CAMK2D: variants seen among roughly 807,000 people sequenced by gnomAD.
The protein encoded by CAMK2D is calcium/calmodulin dependent protein kinase II delta.
Under a neutral mutation model 84.0 loss-of-function variants are expected in CAMK2D, and 37 were observed. That is an observed-to-expected ratio of 0.44 (90% CI 0.34 to 0.58). The LOEUF (loss-of-function observed/expected upper bound fraction) is 0.58, where lower values mean the gene tolerates loss of function less well. Ranked by LOEUF, CAMK2D falls within the 20% of genes least tolerant of loss-of-function variation. The pLI, the probability that CAMK2D is intolerant of heterozygous loss-of-function variation, is 0.02. For missense variants in CAMK2D, 448 were observed against 652.5 expected (o/e 0.69, Z 3.41); for synonymous variants, 202 against 212.5 (o/e 0.95, Z 0.43).
At chr4:113,639,969 G>A (rs1483556580) in intron 3 of CAMK2D, among the ~76,000 whole-genome samples, 1 of 152,084 alleles carries the variant, frequency 6.6e-6, no homozygotes, top group African/African-American at 2.4e-5. Flanking sequence ...AAGCATGTGG[G>A]TTAGGGGGAG....
At chr4:113,656,468 G>T (rs1328494464) in intron 3 of CAMK2D, among the ~76,000 whole-genome samples, 1 of 152,136 alleles carries the variant, frequency 6.6e-6, no homozygotes, top group Admixed American at 6.5e-5. Flanking sequence ...ATCACTGATT[G>T]TGCTCATGTA....
At chr4:113,565,527 G>A (rs1031905207) in intron 4 of CAMK2D, among the ~76,000 whole-genome samples, 3 of 151,578 alleles carry the variant, frequency 2.0e-5, no homozygotes, top group Non-Finnish European at 2.9e-5. Flanking sequence ...GGTGCATGCC[G>A]GTAATCCCAG....
chr4:113,709,368 T>A (rs1175039617), intron 2 of CAMK2D, among the ~76,000 whole-genome samples: 1 of 152,048 alleles, frequency 6.6e-6, no homozygotes, highest in Non-Finnish European at 1.5e-5. Context: ...CACTGAATTA[T>A]ATCAGGACCA....
intron 3 of CAMK2D, among the ~76,000 whole-genome samples, chr4:113,633,959 A>C (rs1026691351): frequency 6.6e-5 from 10 of 152,256 alleles, no homozygotes; most frequent in African/African-American, 2.4e-4. Flanking sequence ...TGGAAAAAGC[A>C]GCATTATTGT....
At chr4:113,463,947 T>C (rs1300891601) in intron 17 of CAMK2D, among the ~76,000 whole-genome samples, 1 of 152,234 alleles carries the variant, frequency 6.6e-6, no homozygotes, top group Non-Finnish European at 1.5e-5. Flanking sequence ...TGTTAAATTC[T>C]TATAAGTAGA....
At chr4:113,744,677 C>T (rs568569763) in intron 2 of CAMK2D, among the ~76,000 whole-genome samples, 7 of 152,188 alleles carry the variant, frequency 4.6e-5, no homozygotes, top group African/African-American at 9.6e-5. Flanking sequence ...TTATCATAGC[C>T]GCAAAATTGA....
chr4:113,536,698 A>G (rs2098494043), intron 7 of CAMK2D, among the ~76,000 whole-genome samples: 1 of 152,196 alleles, frequency 6.6e-6, no homozygotes, highest in African/African-American at 2.4e-5. Context: ...ATATTGAAAC[A>G]AAACATAAGT....
intron 2 of CAMK2D, among the ~76,000 whole-genome samples, chr4:113,699,859 C>A (rs2099412870): frequency 6.6e-6 from 1 of 152,084 alleles, no homozygotes; most frequent in African/African-American, 2.4e-5. Flanking sequence ...GACAGTCATT[C>A]TTTTAGAAAA....
intron 2 of CAMK2D, among the ~76,000 whole-genome samples, chr4:113,731,057 T>C (rs1000202855): frequency 6.6e-6 from 1 of 152,208 alleles, no homozygotes; most frequent in Non-Finnish European, 1.5e-5. Context: ...TATTTGTCAT[T>C]CATTTCAATA....
rs767474594 is a variant in CAMK2D, at chr4:113,547,679, A to C, written c.379T>G (p.Cys127Gly). 2 of 1,569,554 alleles carry C rather than the reference A, an allele frequency of 1.3e-6. No individual in the cohort carries two copies. The highest frequency in any genetic ancestry group is 4.6e-5 in the East Asian group (2 of 43,640). ...CGATGGACCACGCCCATCTGATGGC[A>C]GTGTAGCACAGCCTCCAGGATCTGC... ...IQQILEAVLH[C>G]HQMGVVHRDL... The change falls in exon 6 of 21, where the codon TGC becomes GGC. Residue 127 changes from cysteine (C) to glycine (G), a missense_variant. Physicochemically the swap from Cys to Gly is radical, Grantham distance 159 (BLOSUM62 -3). Coordinates refer to ENST00000511664, the MANE Select transcript of CAMK2D (RefSeq NM_001321571.2).
chr4:113,462,266 ATGTGTGTGTGTGTG>A (rs143654780), intron 17 of CAMK2D, among the ~76,000 whole-genome samples: 1,514 of 109,838 alleles, frequency 0.014, 10 homozygotes, highest in Middle Eastern at 0.026. Flanking sequence ...ATATTTGGAA[ATGTGTGTGTGTGTG>A]TGTGTGTGTG....
At chr4:113,632,042 C>A (rs1421588064) in intron 3 of CAMK2D, among the ~76,000 whole-genome samples, 2 of 152,110 alleles carry the variant, frequency 1.3e-5, no homozygotes. Context: ...GATCCTCCCT[C>A]AGGAGCTTTG....
intron 2 of CAMK2D, among the ~76,000 whole-genome samples, chr4:113,724,390 G>A (rs979369139): frequency 6.6e-6 from 1 of 151,566 alleles, no homozygotes; most frequent in African/African-American, 2.4e-5. Context: ...ATACATAAAT[G>A]TATACAATAT....
intron 16 of CAMK2D, among the ~76,000 whole-genome samples, chr4:113,499,084 T>C (rs569819973): frequency 6.6e-6 from 1 of 152,314 alleles, no homozygotes; most frequent in Non-Finnish European, 1.5e-5. Flanking sequence ...CTTAAAGAGC[T>C]AATGAATCCA....
chr4:113,656,198 T>C (rs2099199373), intron 3 of CAMK2D, among the ~76,000 whole-genome samples: 1 of 152,120 alleles, frequency 6.6e-6, no homozygotes, highest in South Asian at 2.1e-4. Context: ...TTCAACATCT[T>C]AATGTCAGCT....
chr4:113,731,619 T>C (rs2099569196), intron 2 of CAMK2D, among the ~76,000 whole-genome samples: 1 of 140,932 alleles, frequency 7.1e-6, no homozygotes, highest in East Asian at 2.2e-4. Context: ...AGAGTCTCAC[T>C]CTGTCCTCCA....
Position 113,459,527 on chromosome 4 carries a change from T to A in CAMK2D, c.1306+620A>T, listed in dbSNP as rs113724297. ...GGCATGAGCCAGCGTGCCTGCCTAATTTTTTTATATATAGTTTTATGAAAA... is the reference window on the plus strand; with the variant it reads ...GGCATGAGCCAGCGTGCCTGCCTAAATTTTTTATATATAGTTTTATGAAAA... On this transcript the variant is annotated intron_variant, in intron 18 of 20. Coordinates refer to ENST00000511664, the MANE Select transcript of CAMK2D (RefSeq NM_001321571.2). 1.8e-4 allele frequency among the ~76,000 whole-genome samples: 28 copies of A among 152,156 alleles called. 1 individual carries two copies. Among genetic ancestry groups the A allele is most frequent in the African/African-American group, 6.7e-4 (28 of 41,530 alleles).
intron 16 of CAMK2D, among the ~76,000 whole-genome samples, chr4:113,492,673 C>G (rs1372715650): frequency 6.7e-6 from 1 of 150,346 alleles, no homozygotes; most frequent in East Asian, 1.9e-4. Flanking sequence ...TGGTGCAGAG[C>G]TGAGTTCAAT....
chr4:113,742,786 T>C (rs1351781656), intron 2 of CAMK2D, among the ~76,000 whole-genome samples: 1 of 152,204 alleles, frequency 6.6e-6, no homozygotes, highest in Non-Finnish European at 1.5e-5. Flanking sequence ...TTCATGATGA[T>C]GAGCCATATT....
Sources: gnomAD v4.1 joint callset for allele counts (sites outside exome capture counted in the v4.1 genomes callset) on GRCh38, gnomAD v4.1.1 for gene constraint, MANE v1.5 for transcripts, NCBI Gene and HGNC (gene_info 2026-07-23, HGNC 2026-07-21) for gene names.